The following OXR1 variants were observed in gnomAD, a reference collection of about 807,000 sequenced individuals.
OXR1 encodes oxidation resistance protein 1.
In OXR1, 41 loss-of-function variants were observed where a neutral mutation model predicts 104.6. The ratio of observed to expected loss-of-function variants is 0.39; its 90% CI spans 0.31 to 0.51. The LOEUF (loss-of-function observed/expected upper bound fraction) is 0.51, where lower values mean the gene tolerates loss of function less well. Ranked by LOEUF, OXR1 falls within the 20% of genes least tolerant of loss-of-function variation. OXR1 has a pLI of 0.77. For missense variants in OXR1, 955 were observed against 1,031.9 expected, an observed-to-expected ratio of 0.93 and a Z score of 1.02; for synonymous variants, 348 against 348.4, an observed-to-expected ratio of 1.00 and a Z score of 0.01.
chr8:106,324,443 G>C (rs1026227754), intron 1 of OXR1, among the ~76,000 whole-genome samples: 2 of 130,612 alleles, frequency 1.5e-5, no homozygotes, highest in African/African-American at 7.4e-5. Flanking sequence ...GAAATAATCT[G>C]TACAACAACC....
intron 3 of OXR1, among the ~76,000 whole-genome samples, chr8:106,557,826 C>G (rs1018614666): frequency 2.6e-5 from 4 of 152,138 alleles, no homozygotes; most frequent in Admixed American, 1.3e-4. Context: ...GAAGTGGGTT[C>G]TTTGTTGAGA....
intron 3 of OXR1, among the ~76,000 whole-genome samples, chr8:106,602,858 T>C (rs1820078435): frequency 6.6e-6 from 1 of 152,174 alleles, no homozygotes; most frequent in Non-Finnish European, 1.5e-5. Context: ...TGTTTGTTTT[T>C]TGTTTTATTT....
chr8:106,458,278 G>T (rs1820713523), intron 2 of OXR1, among the ~76,000 whole-genome samples: 1 of 152,168 alleles, frequency 6.6e-6, no homozygotes, highest in African/African-American at 2.4e-5. Context: ...ATGGGACTCT[G>T]CTCCCTGCAT....
At chr8:106,700,771 G>A (rs1193228506) in intron 7 of OXR1, among the ~76,000 whole-genome samples, 1 of 152,112 alleles carries the variant, frequency 6.6e-6, no homozygotes, top group East Asian at 1.9e-4. Context: ...ATAAAATGTA[G>A]TATTATGCTA....
At chr8:106,675,267 A>G (rs958491310) in intron 3 of OXR1, among the ~76,000 whole-genome samples, 1 of 152,164 alleles carries the variant, frequency 6.6e-6, no homozygotes, top group African/African-American at 2.4e-5. Context: ...ACAAAAACAA[A>G]TCAATACAAA....
At chr8:106,591,323 T>C (rs1313320270) in intron 3 of OXR1, among the ~76,000 whole-genome samples, 1 of 140,766 alleles carries the variant, frequency 7.1e-6, no homozygotes, top group African/African-American at 2.7e-5. Flanking sequence ...AGGGATAGCA[T>C]TAGGAGGTAT....
rs1822023496 is a variant in OXR1 at position 106,480,084 on chromosome 8, G to A, written c.24-38859G>A. 2.6e-5 allele frequency among the ~76,000 whole-genome samples: 4 copies of A among 152,028 alleles called. No homozygotes were observed. The South Asian group carries it at 8.3e-4, about 32-fold the overall frequency. ...TGGTAGCAATGCCTCAAATTTCTGG[G>A]ATCCTCTGTTACCCCACAGTGGTTC... On this transcript the variant is annotated intron_variant, in intron 2 of 16. Coordinates refer to ENST00000517566, the MANE Select transcript of OXR1 (RefSeq NM_001198533.2).
intron 2 of OXR1, among the ~76,000 whole-genome samples, chr8:106,471,925 A>G (rs1020409500): frequency 1.3e-5 from 2 of 151,882 alleles, no homozygotes; most frequent in Non-Finnish European, 2.9e-5. Context: ...TTACATTACC[A>G]TAGTTCAATT....
chr8:106,297,439 C>G (rs1413798561), intron 1 of OXR1, among the ~76,000 whole-genome samples: 1 of 152,054 alleles, frequency 6.6e-6, no homozygotes, highest in African/African-American at 2.4e-5. Context: ...TGTGCTTACA[C>G]AAACCTAGAT....
At chr8:106,361,413 G>C (rs146176539) in intron 2 of OXR1, among the ~76,000 whole-genome samples, 1 of 152,108 alleles carries the variant, frequency 6.6e-6, no homozygotes, top group African/African-American at 2.4e-5. Flanking sequence ...TCCATGCAGG[G>C]AGCTATTAAT....
chr8:106,552,066 ATAAAAG>A (rs1380806048), intron 3 of OXR1, among the ~76,000 whole-genome samples: 4 of 151,998 alleles, frequency 2.6e-5, no homozygotes, highest in Admixed American at 1.3e-4. Context: ...GTCTCAAAAA[ATAAAAG>A]TAAAAATAAA....
At chr8:106,402,410 A>G (rs1309975049) in intron 2 of OXR1, among the ~76,000 whole-genome samples, 1 of 152,238 alleles carries the variant, frequency 6.6e-6, no homozygotes, top group African/African-American at 2.4e-5. Flanking sequence ...TAGGAAACCA[A>G]TGTGAGGATT....
Position 106,710,691 on chromosome 8 carries a change from CA to C in OXR1, c.1696del (p.Met566Ter). On this transcript the variant is annotated frameshift_variant, in exon 10 of 17. Transcript: ENST00000517566. LOFTEE classifies it high-confidence loss of function. ...TTCTTGTGTCTCAGAGTTGGAAAAC[CA>C]ATGAGGAAAACGTTTGTATCTCAAG... ...HKFLCLRVGK[P>X]MRKTFVSQAS... 6.2e-7 allele frequency: 1 copy of C among 1,603,434 alleles called. No homozygotes were observed.
At chr8:106,337,967 T>C (rs2130252211) in intron 1 of OXR1, among the ~76,000 whole-genome samples, 1 of 152,324 alleles carries the variant, frequency 6.6e-6, no homozygotes, top group East Asian at 1.9e-4. Flanking sequence ...TGAACTCTTT[T>C]GTGGGAAAAC....
intron 3 of OXR1, among the ~76,000 whole-genome samples, chr8:106,537,631 T>C (rs1431322367): frequency 1.3e-5 from 2 of 152,104 alleles, no homozygotes; most frequent in Non-Finnish European, 2.9e-5. Flanking sequence ...TGTATACCTA[T>C]GTAAGAAACC....
intron 2 of OXR1, among the ~76,000 whole-genome samples, chr8:106,361,414 A>G (rs72678540): frequency 0.023 from 3,521 of 152,150 alleles, 71 homozygotes; most frequent in Non-Finnish European, 0.036. Flanking sequence ...CCATGCAGGG[A>G]GCTATTAATT....
At position 106,555,928 on chromosome 8, in the gene OXR1, G is replaced by GTATGTATATA. The variant is rs371162000; in HGVS notation, c.220+36791_220+36792insTGTATATATA. Among the ~76,000 whole-genome samples, 5 of 142,536 alleles carry GTATGTATATA rather than the reference G, an allele frequency of 3.5e-5. No individual in the cohort carries two copies. The South Asian group carries it at 8.8e-4, about 25-fold the overall frequency. The allele number at this position is 142,536 out of a possible 152,430, so 93.5% of individuals were successfully genotyped here. On this transcript the variant is annotated intron_variant, in intron 3 of 16. Coordinates refer to ENST00000517566, the MANE Select transcript of OXR1 (RefSeq NM_001198533.2). Reference sequence around the variant, plus strand: ...TGTGTGTAGGCATACGTATATATATGTACATATATATATATATATACACAA... The same window carrying GTATGTATATA: ...TGTGTGTAGGCATACGTATATATATGTATGTATATATACATATATATATATATATACACAA...
At chr8:106,416,987 C>T (rs569618698) in intron 2 of OXR1, among the ~76,000 whole-genome samples, 31 of 152,076 alleles carry the variant, frequency 2.0e-4, no homozygotes, top group Middle Eastern at 3.4e-3. Context: ...TGTTAATTAA[C>T]GTGACAAAGA....
chr8:106,646,295 T>C (rs187365180), intron 3 of OXR1, among the ~76,000 whole-genome samples: 354 of 151,502 alleles, frequency 2.3e-3, no homozygotes, highest in Non-Finnish European at 4.1e-3. Flanking sequence ...TTAGTAGAGA[T>C]TGGTTTTCGC....
Sources: gnomAD v4.1 joint callset for allele counts (sites outside exome capture counted in the v4.1 genomes callset) on GRCh38, gnomAD v4.1.1 for gene constraint, MANE v1.5 for transcripts, NCBI Gene and HGNC (gene_info 2026-07-23, HGNC 2026-07-21) for gene names.